ADAM22: variants seen among roughly 807,000 people sequenced by gnomAD.
The protein encoded by ADAM22 is ADAM metallopeptidase domain 22.
Under a neutral mutation model 144.6 loss-of-function variants are expected in ADAM22, and 65 were observed. The observed-to-expected ratio is 0.45, with a 90% confidence interval of 0.37 to 0.55. ADAM22 has a LOEUF of 0.55. ADAM22 is among the 20% of genes least tolerant of loss of function. The pLI is 0.00. For missense variants in ADAM22, 974 were observed against 1,184.9 expected (o/e 0.82, Z 2.61); for synonymous variants, 391 against 412.6 (o/e 0.95, Z 0.63).
At chr7:88,033,797 G>A (rs576704863) in intron 3 of ADAM22, among the ~76,000 whole-genome samples, 4 of 152,204 alleles carry the variant, frequency 2.6e-5, no homozygotes, top group African/African-American at 7.2e-5. Context: ...CTTTCCACAG[G>A]CAGAGGATTC....
At chr7:88,146,504 G>A (rs1482914414) in intron 17 of ADAM22, among the ~76,000 whole-genome samples, 6 of 152,106 alleles carry the variant, frequency 3.9e-5, no homozygotes, top group Non-Finnish European at 7.4e-5. Context: ...CTTGTGCATT[G>A]TAGAATATTT....
At chr7:88,155,277 G>A (rs1439476283) in intron 21 of ADAM22, among the ~76,000 whole-genome samples, 1 of 151,984 alleles carries the variant, frequency 6.6e-6, no homozygotes, top group Non-Finnish European at 1.5e-5. Flanking sequence ...TAATCCCAGT[G>A]CTTTGGGAGG....
intron 30 of ADAM22, among the ~76,000 whole-genome samples, chr7:88,192,671 A>G (rs1017990758): frequency 1.3e-5 from 2 of 152,334 alleles, no homozygotes; most frequent in East Asian, 3.9e-4. Context: ...ACTAATAAAT[A>G]TATCAGTTGT....
chr7:87,979,399 C>T (rs1208888425), intron 3 of ADAM22, among the ~76,000 whole-genome samples: 1 of 152,132 alleles, frequency 6.6e-6, no homozygotes, highest in Non-Finnish European at 1.5e-5. Flanking sequence ...GTTGCATTAG[C>T]CACATTTTAA....
chr7:88,085,171 G>GT (rs1818097097), intron 4 of ADAM22, among the ~76,000 whole-genome samples: 1 of 152,122 alleles, frequency 6.6e-6, no homozygotes, highest in Non-Finnish European at 1.5e-5. Flanking sequence ...AGCCCTGTAA[G>GT]TTTTTTTGTT....
intron 4 of ADAM22, among the ~76,000 whole-genome samples, chr7:88,085,962 G>A (rs1234719288): frequency 1.3e-5 from 2 of 152,134 alleles, no homozygotes; most frequent in African/African-American, 2.4e-5. Context: ...GGATCACGAC[G>A]TCAGGAGATC....
chr7:88,159,319 C>T (rs973741151), intron 22 of ADAM22, among the ~76,000 whole-genome samples: 1 of 152,056 alleles, frequency 6.6e-6, no homozygotes, highest in African/African-American at 2.4e-5. Context: ...CTGAATTCTA[C>T]CAGATGTACG....
chr7:88,050,189 G>A (rs1805829908), intron 3 of ADAM22, among the ~76,000 whole-genome samples: 1 of 145,224 alleles, frequency 6.9e-6, no homozygotes. Context: ...TTCGAGAACA[G>A]CTTGGGCAGC....
intron 4 of ADAM22, among the ~76,000 whole-genome samples, chr7:88,091,812 T>A (rs1046245237): frequency 9.2e-5 from 14 of 152,162 alleles, no homozygotes; most frequent in African/African-American, 3.1e-4. Flanking sequence ...CTTCTACAAT[T>A]TACCATTTGT....
chr7:88,090,485 G>A (rs546917762), intron 4 of ADAM22, among the ~76,000 whole-genome samples: 1 of 152,104 alleles, frequency 6.6e-6, no homozygotes, highest in Non-Finnish European at 1.5e-5. Context: ...GTTTGGCCAC[G>A]ACTTAATGTC....
chr7:88,168,091 G>A, intron 24 of ADAM22, 46 bp from the exon 25 acceptor site: 1 of 1,539,564 alleles, frequency 6.5e-7, no homozygotes, highest in Non-Finnish European at 8.9e-7. Context: ...GTTTCTGAAA[G>A]GATTTTATAC....
At chr7:87,966,733 T>TTTG (rs1394138492) in intron 2 of ADAM22, among the ~76,000 whole-genome samples, 6 of 130,870 alleles carry the variant, frequency 4.6e-5, no homozygotes, top group African/African-American at 1.7e-4. Flanking sequence ...TTTTTTTTTT[T>TTTG]TTTTTTTTTT....
intron 2 of ADAM22, among the ~76,000 whole-genome samples, chr7:87,976,948 G>C (rs918865898): frequency 6.6e-6 from 1 of 151,584 alleles, no homozygotes; most frequent in Non-Finnish European, 1.5e-5. Context: ...TAGAAAGATC[G>C]GGGGATATGA....
At chr7:88,134,483 G>T (rs1586043985) in intron 13 of ADAM22, 64 bp downstream of exon 13, 1 of 1,321,330 alleles carries the variant, frequency 7.6e-7, no homozygotes, top group East Asian at 2.5e-5. Flanking sequence ...ATATTTTGGA[G>T]AGTAAAATTT....
In ADAM22 at chr7:88,144,517, G is replaced by T. The variant is rs574888297; in HGVS notation, c.1321-608G>T. ...GTATTTTTTATTAAGTCGATCAATG[G>T]ATATACTAATTTTTTGATGCTTTTC... is the stretch of plus-strand genomic sequence containing the variant. On this transcript the variant is annotated intron_variant, in intron 15 of 31. Transcript: ENST00000413139. Among the ~76,000 whole-genome samples, 6 of 152,154 alleles carry T rather than the reference G, an allele frequency of 3.9e-5. No individual in the cohort carries two copies. In the East Asian group the frequency reaches 9.6e-4, roughly 24 times the overall value.
intron 6 of ADAM22, among the ~76,000 whole-genome samples, chr7:88,115,091 A>C (rs946424955): frequency 5.9e-5 from 9 of 152,090 alleles, no homozygotes; most frequent in African/African-American, 2.2e-4. Flanking sequence ...ACTAAAATAC[A>C]AAAATTAGCC....
rs891235639 is a variant in ADAM22, at chr7:88,165,961, T to C, written c.2191+15T>C. 4 of 1,587,432 alleles carry C rather than the reference T, an allele frequency of 2.5e-6. No individual in the cohort carries two copies. In the African/African-American group the frequency reaches 5.4e-5, roughly 22 times the overall value. ...GTCTGGCAATGGTAAGTACTTAATT[T>C]GGTAACATTATGTAGTCTTTATACA... On this transcript the variant is annotated intron_variant, in intron 24 of 31. Transcript: ENST00000413139.
intron 3 of ADAM22, among the ~76,000 whole-genome samples, chr7:88,054,327 A>C (rs1176243776): frequency 6.6e-6 from 1 of 152,078 alleles, no homozygotes; most frequent in Admixed American, 6.6e-5. Context: ...CACATGCAAC[A>C]TTGCTCTAGC....
intron 3 of ADAM22, among the ~76,000 whole-genome samples, chr7:88,017,775 G>A (rs1477079449): frequency 6.9e-6 from 1 of 145,886 alleles, no homozygotes; most frequent in Non-Finnish European, 1.5e-5. Flanking sequence ...GCAAGCATAT[G>A]TGTGTGTGTA....
Sources: gnomAD v4.1 joint callset for allele counts (sites outside exome capture counted in the v4.1 genomes callset) on GRCh38, gnomAD v4.1.1 for gene constraint, MANE v1.5 for transcripts, NCBI Gene and HGNC (gene_info 2026-07-23, HGNC 2026-07-21) for gene names.